The following CFAP74 variants were observed in gnomAD, a reference collection of about 807,000 sequenced individuals.
CFAP74 encodes cilia- and flagella-associated protein 74.
Under a neutral mutation model 188.9 loss-of-function variants are expected in CFAP74, and 124 were observed. The observed-to-expected ratio is 0.66, with a 90% CI of 0.57 to 0.76. The LOEUF (loss-of-function observed/expected upper bound fraction) is 0.76. CFAP74 is among the 30% of genes least tolerant of loss of function. The pLI is 0.00. For missense variants in CFAP74, 2,198 were observed against 2,165.2 expected (o/e 1.02, Z -0.30); for synonymous variants, 956 against 916.7 (o/e 1.04, Z -0.77).
At chr1:1,927,287 A>G (rs1651981590) in intron 28 of CFAP74, 1 of 579,174 alleles carries the variant, frequency 1.7e-6, no homozygotes, top group African/African-American at 1.9e-5. Context: ...CTAGAGAGCC[A>G]TGTTCCTTCC....
At chr1:1,933,226 C>T (rs1173114894) in intron 25 of CFAP74, among the ~76,000 whole-genome samples, 1 of 144,408 alleles carries the variant, frequency 6.9e-6, no homozygotes, top group Non-Finnish European at 1.5e-5. Flanking sequence ...GCTCTGTCGC[C>T]CAGGCTTAGT....
At chr1:1,971,122 C>T (rs1163611864) in intron 9 of CFAP74, among the ~76,000 whole-genome samples, 3 of 148,558 alleles carry the variant, frequency 2.0e-5, no homozygotes, top group Non-Finnish European at 4.4e-5. Context: ...CACACATGCT[C>T]ACACGTGCAC....
intron 6 of CFAP74, among the ~76,000 whole-genome samples, chr1:1,982,324 G>A (rs1418360909): frequency 7.5e-6 from 1 of 134,204 alleles, no homozygotes; most frequent in African/African-American, 2.8e-5. Flanking sequence ...GTGGTCACAC[G>A]CGGGGACACG....
Position 1,942,062 on chromosome 1 carries a change from A to T in CFAP74, c.2581T>A (p.Ser861Thr), listed in dbSNP as rs1240975657. 6.5e-7 allele frequency: 1 copy of T among 1,531,200 alleles called. No homozygotes were observed. The highest frequency in any genetic ancestry group is 8.7e-7 in the Non-Finnish European group (1 of 1,144,988). 94.9% of individuals were successfully genotyped at this position (1,531,200 alleles called of 1,614,324 possible). The change falls in exon 22 of 39, where the codon TCG becomes ACG. Residue 861 changes from serine (S) to threonine (T), a missense_variant. Ser to Thr is a moderately conservative substitution (Grantham distance 58). Transcript: ENST00000682832. This position sits in a 1 kb window ranked among gnomAD's most constrained non-coding sequence, Gnocchi z 4.3. ...LPKTGYIQAQ[S>T]SYSVQLKFLP... ...AACTTGAGCTGCACGGAGTAGGACGACTGTGCCTGGATATAGCCTGTCTTG... is the reference window on the plus strand; with the variant it reads ...AACTTGAGCTGCACGGAGTAGGACGTCTGTGCCTGGATATAGCCTGTCTTG...
intron 27 of CFAP74, among the ~76,000 whole-genome samples, chr1:1,928,523 G>A (rs1285369713): frequency 6.6e-6 from 1 of 152,176 alleles, no homozygotes; most frequent in Non-Finnish European, 1.5e-5. Flanking sequence ...CTGCACCCCT[G>A]GGTCACAGCC....
intron 25 of CFAP74, among the ~76,000 whole-genome samples, chr1:1,938,619 CACG>C (rs1653121632): frequency 6.6e-6 from 1 of 152,128 alleles, no homozygotes; most frequent in African/African-American, 2.4e-5. Context: ...CATACACACC[CACG>C]ACACACACAA....
At chr1:1,987,413 G>T (rs144698580) in intron 4 of CFAP74, among the ~76,000 whole-genome samples, 3 of 152,206 alleles carry the variant, frequency 2.0e-5, no homozygotes, top group Admixed American at 6.5e-5. Flanking sequence ...TCCAGAGAGC[G>T]GGCCAGGCAG....
rs552897176 is a variant in CFAP74, at chr1:1,942,913, A to G, written c.2487-757T>C. On this transcript the variant is annotated intron_variant, in intron 21 of 38. Coordinates refer to ENST00000682832, the MANE Select transcript of CFAP74 (RefSeq NM_001304360.2). The surrounding 1 kb of genome is among the most constrained non-coding windows in gnomAD (Gnocchi z 4.3). ...CTGTGCTTCCATGCGACAGTCACCC[A>G]TGCTGTGGCAGCCTCATCTCCGTCC... Among the ~76,000 whole-genome samples the G allele has an allele frequency of 2.0e-3, 308 of 152,202 alleles. No individual in the cohort carries two copies. Among genetic ancestry groups the G allele is most frequent in the African/African-American group, 6.8e-3 (281 of 41,536 alleles).
At chr1:1,939,224 G>A (rs1332134441) in intron 24 of CFAP74, among the ~76,000 whole-genome samples, 2 of 152,272 alleles carry the variant, frequency 1.3e-5, no homozygotes, top group African/African-American at 4.8e-5. Flanking sequence ...ATGTGTGTGT[G>A]TGCTGGGGGG....
intron 5 of CFAP74, 34 bp downstream of exon 5, chr1:1,986,903 C>G (rs749744982): frequency 6.4e-7 from 1 of 1,566,616 alleles, no homozygotes. Flanking sequence ...TGACCTCATG[C>G]CCGGTTCCCT....
At chr1:1,991,802 G>A (rs1476922617) in intron 1 of CFAP74, among the ~76,000 whole-genome samples, 4 of 152,132 alleles carry the variant, frequency 2.6e-5, no homozygotes, top group African/African-American at 2.4e-5. Context: ...CACTTTGGGA[G>A]GCCAAGGTGG....
rs1002654245 is a variant in CFAP74, at chr1:1,942,245, C to T, written c.2487-89G>A. On this transcript the variant is annotated intron_variant, in intron 21 of 38. Coordinates refer to ENST00000682832, the MANE Select transcript of CFAP74 (RefSeq NM_001304360.2). The surrounding 1 kb of genome is among the most constrained non-coding windows in gnomAD (Gnocchi z 4.3). ...CCTGGAGTTATTAAAACATTTCTGGCACCCAAGCCCCCGAGAGGTGCTCAG... is the reference window on the plus strand; with the variant it reads ...CCTGGAGTTATTAAAACATTTCTGGTACCCAAGCCCCCGAGAGGTGCTCAG... The T allele has an allele frequency of 1.5e-5, 20 of 1,312,108 alleles. No individual in the cohort carries two copies. The highest frequency in any genetic ancestry group is 2.0e-4 in the Middle Eastern group (1 of 4,960). 81.3% of individuals were successfully genotyped at this position (1,312,108 alleles called of 1,614,324 possible). A position where few individuals can be genotyped will look rare whatever the true frequency, so the allele number is the denominator to read the frequency against.
intron 25 of CFAP74, among the ~76,000 whole-genome samples, chr1:1,938,416 A>T (rs1239858353): frequency 2.0e-5 from 3 of 151,550 alleles, no homozygotes; most frequent in Non-Finnish European, 4.4e-5. Context: ...ATACACTCAC[A>T]TACCTGCACT....
chr1:1,948,983 T>TC (rs1570890358), intron 18 of CFAP74, among the ~76,000 whole-genome samples: 1 of 92,778 alleles, frequency 1.1e-5, no homozygotes, highest in Non-Finnish European at 2.0e-5. Flanking sequence ...CTTCCCTCCC[T>TC]CCTTTCCTTC....
At chr1:1,972,213 T>C in intron 8 of CFAP74, 131 bp from the exon 9 acceptor site, 1 of 706,524 alleles carries the variant, frequency 1.4e-6, no homozygotes, top group Non-Finnish European at 2.5e-6. Context: ...CCCAAAGCGC[T>C]GGGATCACAG....
At chr1:1,924,741 T>A (rs1428183330) in intron 33 of CFAP74, among the ~76,000 whole-genome samples, 1 of 152,196 alleles carries the variant, frequency 6.6e-6, no homozygotes, top group Non-Finnish European at 1.5e-5. Context: ...TCGGCTTCCC[T>A]GCCTAGGGTG....
chr1:1,939,056 C>T (rs1653162538), intron 24 of CFAP74, 68 bp from the exon 25 acceptor site: 9 of 1,470,852 alleles, frequency 6.1e-6, no homozygotes, highest in South Asian at 2.5e-5. Context: ...GCGGCAGGGC[C>T]GTGAGTGTGA....
At position 1,940,358 on chromosome 1, in the gene CFAP74, G is replaced by T. The variant is rs529301054; in HGVS notation, c.2661C>A (p.Thr887=). ...EDAGRYFDKE[T]RVLEAPMTIW... is the part of the protein sequence containing the mutation. ...TGGTCATCGGGGCCTCCAGGACTCG[G>T]GTCTCCTTGTCAAAATACCTCCCTG... The change falls in exon 23 of 39, where the codon ACC becomes ACA. Residue 887 remains threonine, a synonymous_variant. Coordinates refer to ENST00000682832, the MANE Select transcript of CFAP74 (RefSeq NM_001304360.2). 6.5e-7 allele frequency: 1 copy of T among 1,535,612 alleles called. No individual in the cohort carries two copies. The highest frequency in any genetic ancestry group is 1.4e-5 in the African/African-American group (1 of 73,148).
intron 1 of CFAP74, among the ~76,000 whole-genome samples, chr1:2,000,096 G>A (rs536916743): frequency 9.2e-5 from 14 of 152,184 alleles, no homozygotes; most frequent in South Asian, 4.2e-4. Flanking sequence ...CTGGTGAGGT[G>A]GAGGTTGCAG....
Sources: gnomAD v4.1 joint callset for allele counts (sites outside exome capture counted in the v4.1 genomes callset) on GRCh38, gnomAD v4.1.1 for gene constraint, Gnocchi (gnomAD v3.1) non-coding constraint, MANE v1.5 for transcripts, NCBI Gene and HGNC (gene_info 2026-07-23, HGNC 2026-07-21) for gene names.